Variants in RNF2 observed in about 807,000 individuals in gnomAD.
RNF2 encodes the protein E3 ubiquitin-protein ligase RING2.
In RNF2, 6 loss-of-function variants were observed where a neutral mutation model predicts 37.2. The observed-to-expected ratio is 0.16, with a 90% CI of 0.09 to 0.32. The LOEUF is 0.32. Ranked by LOEUF, RNF2 falls within the 10% of genes least tolerant of loss-of-function variation. The probability of loss-of-function intolerance (pLI) is 1.00; values close to 1 mark genes in which losing one functional copy is unlikely to be tolerated. For synonymous variants in RNF2, 133 were observed against 132.7 expected (o/e 1.00, Z -0.02); for missense variants, 251 against 404.0 (o/e 0.62, Z 3.25).
intron 1 of RNF2, among the ~76,000 whole-genome samples, chr1:185,050,350 C>CT (rs1162737898): frequency 6.6e-6 from 1 of 152,268 alleles, no homozygotes; most frequent in Admixed American, 6.5e-5. Flanking sequence ...TGCCTCTTCT[C>CT]TGCCTACCTA....
At chr1:185,069,118 T>C (rs79131595) in intron 1 of RNF2, among the ~76,000 whole-genome samples, 1,769 of 152,308 alleles carry the variant, frequency 0.012, 36 homozygotes, top group African/African-American at 0.04. Context: ...TGCCTGTTAA[T>C]GTGCTATTTA....
chr1:185,099,369 A>G (rs960066791), intron 5 of RNF2, among the ~76,000 whole-genome samples: 6 of 152,222 alleles, frequency 3.9e-5, no homozygotes, highest in Admixed American at 6.5e-5. Context: ...TTCTATGGTT[A>G]GTCTTAAAAG....
chr1:185,091,818 CTT>C (rs201420664), intron 3 of RNF2, 79 bp downstream of exon 3: 12,973 of 1,021,218 alleles, frequency 0.013, no homozygotes, highest in South Asian at 0.02. Context: ...AATACATTTT[CTT>C]TTTTTTTTTT....
At chr1:185,099,723 ATAAT>A in intron 5 of RNF2, 64 bp from the exon 6 acceptor site, 1 of 1,329,318 alleles carries the variant, frequency 7.5e-7, no homozygotes, top group South Asian at 1.3e-5. Context: ...TATTAGTTCC[ATAAT>A]TTAAGTACAT....
intron 2 of RNF2, among the ~76,000 whole-genome samples, chr1:185,088,538 A>G (rs866966202): frequency 4.6e-4 from 69 of 150,000 alleles, no homozygotes; most frequent in African/African-American, 1.6e-3. Flanking sequence ...CCTGGGCGAC[A>G]AGAACGAAAC....
chr1:185,049,811 G>C (rs1650224678), intron 1 of RNF2, among the ~76,000 whole-genome samples: 1 of 152,176 alleles, frequency 6.6e-6, no homozygotes, highest in African/African-American at 2.4e-5. Flanking sequence ...AAAGGCATGT[G>C]TTATTGCTGG....
chr1:185,086,441 T>C (rs1160079998), intron 1 of RNF2, among the ~76,000 whole-genome samples: 5 of 152,170 alleles, frequency 3.3e-5, no homozygotes, highest in Non-Finnish European at 7.3e-5. Context: ...GTTGGTCTTA[T>C]GCTCTTCAGT....
At chr1:185,093,358 A>G in intron 4 of RNF2, 82 bp downstream of exon 4, 1 of 1,273,430 alleles carries the variant, frequency 7.9e-7, no homozygotes, top group Admixed American at 2.0e-5. Context: ...TGAAAAAGGT[A>G]AAATACAGTA....
intron 2 of RNF2, among the ~76,000 whole-genome samples, chr1:185,090,521 CATTTT>C (rs1201732648): frequency 6.6e-6 from 1 of 152,140 alleles, no homozygotes; most frequent in East Asian, 1.9e-4. Context: ...ATCTAACAAA[CATTTT>C]ATTAATGCTT....
chr1:185,081,244 T>C (rs1319846588), intron 1 of RNF2, among the ~76,000 whole-genome samples: 2 of 152,210 alleles, frequency 1.3e-5, no homozygotes, highest in East Asian at 3.8e-4. Flanking sequence ...TGGGATTCGA[T>C]GAACTCTTGG....
intron 1 of RNF2, among the ~76,000 whole-genome samples, chr1:185,073,166 A>G (rs1246329205): frequency 6.6e-6 from 1 of 150,934 alleles, no homozygotes; most frequent in Non-Finnish European, 1.5e-5. Flanking sequence ...CTAATTAGCC[A>G]TTTTTTTATT....
At chr1:185,047,641 G>A (rs981909916) in intron 1 of RNF2, among the ~76,000 whole-genome samples, 6 of 152,178 alleles carry the variant, frequency 3.9e-5, no homozygotes. Flanking sequence ...TCCAGCAAGA[G>A]AAATGAGTTA....
intron 1 of RNF2, among the ~76,000 whole-genome samples, chr1:185,045,890 G>C (rs1043588189): frequency 1.3e-5 from 2 of 152,134 alleles, no homozygotes; most frequent in African/African-American, 2.4e-5. Context: ...AAGGGAGCTG[G>C]TTTGCGGAGG....
intron 1 of RNF2, among the ~76,000 whole-genome samples, chr1:185,066,168 A>T (rs1650793387): frequency 6.6e-6 from 1 of 152,196 alleles, no homozygotes; most frequent in Non-Finnish European, 1.5e-5. Context: ...TCCATCCTTT[A>T]CTGTTGGCCA....
intron 1 of RNF2, among the ~76,000 whole-genome samples, chr1:185,077,621 C>CTTTTTTTTTTTTTTTTTTT (rs1553241118): frequency 9.0e-6 from 1 of 111,588 alleles, no homozygotes; most frequent in African/African-American, 3.9e-5. Flanking sequence ...TAGGAATTAA[C>CTTTTTTTTTTTTTTTTTTT]TTTGTTTTTT....
intron 1 of RNF2, among the ~76,000 whole-genome samples, chr1:185,047,388 G>T (rs1650150571): frequency 2.0e-5 from 3 of 152,342 alleles, no homozygotes; most frequent in Admixed American, 1.3e-4. Context: ...CTCTGCCTGT[G>T]TGAAGCTCCC....
intron 1 of RNF2, among the ~76,000 whole-genome samples, chr1:185,086,143 C>G (rs891077356): frequency 6.6e-6 from 1 of 152,152 alleles, no homozygotes; most frequent in Non-Finnish European, 1.5e-5. Context: ...ACCAAAGCCT[C>G]CTTAACTCCT....
chr1:185,083,278 C>T (rs1056935779), intron 1 of RNF2, among the ~76,000 whole-genome samples: 6 of 152,112 alleles, frequency 3.9e-5, no homozygotes, highest in South Asian at 4.1e-4. Flanking sequence ...TGTTTTAGTT[C>T]GTATTTTGTC....
chr1:185,054,673 C>T (rs996406078), intron 1 of RNF2, among the ~76,000 whole-genome samples: 3 of 151,214 alleles, frequency 2.0e-5, no homozygotes, highest in Non-Finnish European at 4.4e-5. Context: ...TCTTTTTAAT[C>T]TTTCTTTGTG....
Sources: gnomAD v4.1 joint callset for allele counts (sites outside exome capture counted in the v4.1 genomes callset) on GRCh38, gnomAD v4.1.1 for gene constraint, MANE v1.5 for transcripts, NCBI Gene and HGNC (gene_info 2026-07-23, HGNC 2026-07-21) for gene names.